Variants in POM121C observed in about 807,000 individuals in gnomAD.
POM121C encodes the protein POM121 transmembrane nucleoporin C.
A neutral mutation model predicts 66.4 loss-of-function variants in POM121C; 20 were observed. That is an observed-to-expected ratio of 0.30 (90% confidence interval 0.21 to 0.44). POM121C has a LOEUF of 0.44. POM121C is among the 20% of genes least tolerant of loss of function. The pLI, the probability that POM121C is intolerant of heterozygous loss-of-function variation, is 1.00. For synonymous variants in POM121C, 286 were observed against 528.0 expected (o/e 0.54, Z 6.28); for missense variants, 580 against 1,225.7 (o/e 0.47, Z 7.87).
At position 75,486,256 on chromosome 7, in the gene POM121C, G is replaced by A. The variant is rs587740702; in HGVS notation, c.-850C>T. The A allele has an allele frequency of 3.6e-6, 1 of 276,580 alleles. No individual in the cohort carries two copies. Among genetic ancestry groups the A allele is most frequent in the Non-Finnish European group, 7.0e-6 (1 of 142,216 alleles). 17.1% of individuals were successfully genotyped at this position (276,580 alleles called of 1,614,324 possible). ...CCACTAGAAGCCAAAGCCTGGGAAC[G>A]AGAGCAAGCGATGACCTGAAGAGGC... On this transcript the variant is annotated 5_prime_UTR_variant, in exon 1 of 15. Coordinates refer to ENST00000615331, the MANE Select transcript of POM121C (RefSeq NM_001099415.3).
intron 1 of POM121C, among the ~76,000 whole-genome samples, chr7:75,482,813 A>T (rs1792360118): frequency 1.3e-5 from 2 of 152,180 alleles, no homozygotes; most frequent in Non-Finnish European, 2.9e-5. Context: ...ATCAGTTTGG[A>T]AGTAACGGAT....
chr7:75,473,664 G>GT (rs1312942104), intron 3 of POM121C, among the ~76,000 whole-genome samples: 19 of 151,304 alleles, frequency 1.3e-4, no homozygotes, highest in Non-Finnish European at 2.4e-4. Context: ...TAAGTCCAAG[G>GT]TTTTTTTTTG....
intron 3 of POM121C, among the ~76,000 whole-genome samples, chr7:75,456,185 G>C (rs1791206199): frequency 6.6e-6 from 1 of 152,188 alleles, no homozygotes; most frequent in African/African-American, 2.4e-5. Context: ...GCTGCAGTGA[G>C]GTATGATCGC....
chr7:75,442,757 G>A lies in POM121C; in HGVS notation c.-151-1110C>T, dbSNP rs1167191016. 9.9e-6 allele frequency: 13 copies of A among 1,311,854 alleles called. No homozygotes were observed. In the African/African-American group the frequency reaches 1.7e-4, roughly 17 times the overall value. 81.3% of individuals were successfully genotyped at this position (1,311,854 alleles called of 1,614,324 possible). Reference sequence around the variant, plus strand: ...CCGCGGAGGAGACTTAAATATCCCAGCGTGCACCGCGCCACGCGTCGCGTC... The same window carrying A: ...CCGCGGAGGAGACTTAAATATCCCAACGTGCACCGCGCCACGCGTCGCGTC... On this transcript the variant is annotated intron_variant, in intron 3 of 14. Transcript: ENST00000615331.
At chr7:75,453,510 A>G (rs1275785275) in intron 3 of POM121C, among the ~76,000 whole-genome samples, 1 of 150,226 alleles carries the variant, frequency 6.7e-6, no homozygotes, top group Non-Finnish European at 1.5e-5. Flanking sequence ...TGAACCTGGG[A>G]GGCAGAGGTT....
chr7:75,424,530 C>T lies in POM121C; in HGVS notation c.867G>A (p.Lys289=). ...LQWFNQALED[K]SDAASNSVTE... ...GCAACGATCTGTGCTCCTTACCACT[C>T]TTGTCCTCCAAGGCCTGGTTGAACC... The change falls in exon 11 of 15, where the codon AAG becomes AAA. Residue 289 remains lysine, a synonymous_variant. Transcript: ENST00000615331. 6.2e-7 allele frequency: 1 copy of T among 1,613,894 alleles called. No individual in the cohort carries two copies. The highest frequency in any genetic ancestry group is 8.5e-7 in the Non-Finnish European group (1 of 1,179,750).
intron 3 of POM121C, among the ~76,000 whole-genome samples, chr7:75,453,576 C>A (rs1295855069): frequency 6.9e-6 from 1 of 145,484 alleles, no homozygotes; most frequent in South Asian, 2.1e-4. Context: ...GAGCAAAACT[C>A]GGACTCAAAA....
chr7:75,418,961 T>C, intron 14 of POM121C, 68 bp from the exon 15 acceptor site: 1 of 1,511,710 alleles, frequency 6.6e-7, no homozygotes, highest in East Asian at 2.4e-5. Context: ...GGTGCCCAAA[T>C]CTCTGGAAGG....
chr7:75,465,217 A>G (rs1291680709), intron 3 of POM121C, among the ~76,000 whole-genome samples: 1 of 150,792 alleles, frequency 6.6e-6, no homozygotes, highest in Non-Finnish European at 1.5e-5. Flanking sequence ...CTGGTCTTGA[A>G]CTCCTGACCT....
rs190778910 is a variant in POM121C at position 75,482,109 on chromosome 7, G to T, written c.-458+3755C>A. Among the ~76,000 whole-genome samples the T allele has an allele frequency of 2.2e-3, 334 of 151,960 alleles. 3 individuals carry two copies. Among genetic ancestry groups the T allele is most frequent in the African/African-American group, 7.6e-3 (316 of 41,380 alleles). On this transcript the variant is annotated intron_variant, in intron 1 of 14. Transcript: ENST00000615331. ...GGCATACAAGATATTTTTAAAAAAT[G>T]TGCTAAAGGTGAAACAAGGGTAACA...
chr7:75,485,828 C>T (rs1439516244), intron 1 of POM121C, 36 bp downstream of exon 1: 27 of 496,146 alleles, frequency 5.4e-5, no homozygotes, highest in Middle Eastern at 5.0e-4. Context: ...TTCACCCAGG[C>T]CCTTCTCGCT....
chr7:75,451,772 C>G (rs2116449671), intron 3 of POM121C, among the ~76,000 whole-genome samples: 1 of 151,496 alleles, frequency 6.6e-6, no homozygotes, highest in East Asian at 1.9e-4. Context: ...ATCTACCCAT[C>G]TGACAAAGGT....
At chr7:75,463,129 C>T (rs1167462952) in intron 3 of POM121C, among the ~76,000 whole-genome samples, 1 of 152,044 alleles carries the variant, frequency 6.6e-6, no homozygotes, top group Non-Finnish European at 1.5e-5. Context: ...TTGAGACCAG[C>T]CTGGCCAACA....
At chr7:75,477,275 G>A (rs1169118382) in intron 1 of POM121C, among the ~76,000 whole-genome samples, 1 of 151,950 alleles carries the variant, frequency 6.6e-6, no homozygotes, top group African/African-American at 2.4e-5. Context: ...ACAATTAGAG[G>A]AATATAACTA....
intron 7 of POM121C, among the ~76,000 whole-genome samples, chr7:75,430,143 T>A (rs1156924413): frequency 6.6e-6 from 1 of 152,226 alleles, no homozygotes; most frequent in Non-Finnish European, 1.5e-5. Flanking sequence ...TCAAAACTTT[T>A]TTTTGTGTGT....
intron 3 of POM121C, among the ~76,000 whole-genome samples, chr7:75,466,313 A>G (rs1554477827): frequency 6.6e-6 from 1 of 151,624 alleles, no homozygotes; most frequent in African/African-American, 2.4e-5. Flanking sequence ...AATAGAATTA[A>G]TATAAGAGCA....
At chr7:75,428,718 G>A (rs1363084182) in intron 7 of POM121C, among the ~76,000 whole-genome samples, 1 of 152,204 alleles carries the variant, frequency 6.6e-6, no homozygotes, top group Non-Finnish European at 1.5e-5. Flanking sequence ...GGTGGCTCAT[G>A]CCTGTAATCC....
rs587771698 is a variant in POM121C at position 75,428,373 on chromosome 7, C to T, written c.481-1920G>A. Among the ~76,000 whole-genome samples, 60 of 152,274 alleles carry T rather than the reference C, an allele frequency of 3.9e-4. 2 individuals are homozygous for T. Among genetic ancestry groups the T allele is most frequent in the African/African-American group, 1.4e-3 (58 of 41,564 alleles). On this transcript the variant is annotated intron_variant, in intron 7 of 14. Transcript: ENST00000615331. ...CAGGATGGTCTTGATCTCTTGACCT[C>T]GTGATCTGCCCGCCTTGGCCTCCCA...
chr7:75,448,079 C>T (rs1393287380), intron 3 of POM121C, among the ~76,000 whole-genome samples: 3 of 150,480 alleles, frequency 2.0e-5, no homozygotes, highest in African/African-American at 7.3e-5. Context: ...ATTAGCTAAG[C>T]GTAGTGGCAC....
Sources: allele counts gnomAD v4.1 joint callset (sites outside exome capture counted in the v4.1 genomes callset), GRCh38; gene constraint gnomAD v4.1.1; transcripts MANE v1.5; gene names NCBI Gene and HGNC (gene_info 2026-07-23, HGNC 2026-07-21).